RYR2: variants seen among roughly 807,000 people sequenced by gnomAD.
RYR2 encodes the protein ryanodine receptor 2.
In RYR2, 227 loss-of-function variants were observed where a neutral mutation model predicts 601.1. The observed-to-expected ratio is 0.38, with a 90% CI of 0.34 to 0.42. The LOEUF is 0.42. RYR2 is among the 10% of genes least tolerant of loss of function. The probability of loss-of-function intolerance (pLI) is 1.00; values close to 1 mark genes in which losing one functional copy is unlikely to be tolerated. For missense variants in RYR2, 4,646 were observed against 6,156.5 expected (o/e 0.75, Z 8.21); for synonymous variants, 2,223 against 2,175.1 (o/e 1.02, Z -0.61).
chr1:237,771,765 A>G (rs1427373616), intron 85 of RYR2, among the ~76,000 whole-genome samples: 1 of 152,240 alleles, frequency 6.6e-6, no homozygotes, highest in African/African-American at 2.4e-5. Context: ...AGGAATGAAG[A>G]AACTGATATT....
rs1365309589 is a variant in RYR2 at position 237,694,441 on chromosome 1, G to A, written c.9068-4524G>A. Among the ~76,000 whole-genome samples the A allele has an allele frequency of 3.9e-5, 6 of 152,130 alleles. No individual in the cohort carries two copies. In the East Asian group the frequency reaches 5.8e-4, roughly 15 times the overall value. On this transcript the variant is annotated intron_variant, in intron 63 of 104. Transcript: ENST00000366574. ...AACTATTTTCTTATCCTTGTTATTC[G>A]TAGCTGGAGGATCATTGAGATCTTT...
chr1:237,441,537 A>G (rs1707904208), intron 13 of RYR2, 54 bp downstream of exon 13: 1 of 1,426,804 alleles, frequency 7.0e-7, no homozygotes, highest in Non-Finnish European at 9.3e-7. Context: ...ATGAATACAC[A>G]AGCACAAGTC....
chr1:237,805,002 G>A (rs990792105), intron 98 of RYR2, among the ~76,000 whole-genome samples: 1 of 152,140 alleles, frequency 6.6e-6, no homozygotes, highest in African/African-American at 2.4e-5. Context: ...GGTGGGGTCG[G>A]TGCTATTGGC....
chr1:237,473,477 C>CTTTCTTTCTTTCTTT (rs1553464755), intron 17 of RYR2, among the ~76,000 whole-genome samples: 1 of 145,564 alleles, frequency 6.9e-6, no homozygotes, highest in Non-Finnish European at 1.5e-5. Flanking sequence ...ATCTATCTAT[C>CTTTCTTTCTTTCTTT]TGGCATATAT....
intron 1 of RYR2, among the ~76,000 whole-genome samples, chr1:237,131,415 G>A (rs1232313698): frequency 6.6e-6 from 1 of 152,124 alleles, no homozygotes; most frequent in East Asian, 1.9e-4. Context: ...GATGGGGTGG[G>A]GAGGGGGAAC....
At chr1:237,791,714 C>CTGAA in intron 93 of RYR2, 199 bp downstream of exon 93, 1 of 578,130 alleles carries the variant, frequency 1.7e-6, no homozygotes, top group Non-Finnish European at 3.1e-6. Flanking sequence ...AATGCCTCAA[C>CTGAA]TGAAGGGCAT....
intron 1 of RYR2, among the ~76,000 whole-genome samples, chr1:237,159,390 TTATC>T (rs377613283): frequency 4.1e-3 from 629 of 152,262 alleles, no homozygotes; most frequent in Non-Finnish European, 6.9e-3. Flanking sequence ...TATGGGGCGT[TTATC>T]TAAGGAAGAA....
At position 237,097,978 on chromosome 1, in the gene RYR2, G is replaced by A. The variant is rs1173058369; in HGVS notation, c.48+55409G>A. 2.0e-5 allele frequency among the ~76,000 whole-genome samples: 3 copies of A among 152,146 alleles called. No homozygotes were observed. In the East Asian group the frequency reaches 5.8e-4, roughly 29 times the overall value. On this transcript the variant is annotated intron_variant, in intron 1 of 104. Transcript: ENST00000366574. Reference sequence around the variant, plus strand: ...TCACAGTTTGAATTTCAAATTGCATGTCCTTTGCCATTTTTCTTTATTAAA... The same window carrying A: ...TCACAGTTTGAATTTCAAATTGCATATCCTTTGCCATTTTTCTTTATTAAA...
In RYR2 at chr1:237,581,184, G is replaced by T. The variant is rs10802622; in HGVS notation, c.3599-8609G>T. 1.8e-3 allele frequency among the ~76,000 whole-genome samples: 280 copies of T among 152,134 alleles called. 4 individuals are homozygous for T. In the South Asian group the frequency reaches 0.029, roughly 16 times the overall value. On this transcript the variant is annotated intron_variant, in intron 29 of 104. Coordinates refer to ENST00000366574, the MANE Select transcript of RYR2 (RefSeq NM_001035.3). ...GATGTATAGTTTATGGTAAAAGAACGGTTATTTATGTTTGGAGATTACCAC... is the reference window on the plus strand; with the variant it reads ...GATGTATAGTTTATGGTAAAAGAACTGTTATTTATGTTTGGAGATTACCAC...
chr1:237,533,658 T>C (rs1287592738), intron 25 of RYR2, among the ~76,000 whole-genome samples: 1 of 152,138 alleles, frequency 6.6e-6, no homozygotes, highest in Non-Finnish European at 1.5e-5. Flanking sequence ...TGTAAAACCA[T>C]CTTTGAGGCT....
intron 56 of RYR2, among the ~76,000 whole-genome samples, chr1:237,666,033 C>T (rs374234084): frequency 5.9e-5 from 9 of 152,056 alleles, no homozygotes; most frequent in East Asian, 5.8e-4. Context: ...GTCTCTTCCT[C>T]GAGGATTTCC....
chr1:237,602,458 T>C (rs1482370459), intron 35 of RYR2, among the ~76,000 whole-genome samples: 2 of 152,190 alleles, frequency 1.3e-5, no homozygotes, highest in Non-Finnish European at 2.9e-5. Context: ...ATGTATGGAA[T>C]ACTCCAGTAA....
intron 1 of RYR2, among the ~76,000 whole-genome samples, chr1:237,139,976 G>A (rs1183516127): frequency 6.6e-6 from 1 of 152,176 alleles, no homozygotes; most frequent in East Asian, 1.9e-4. Context: ...GCCTGAAAGT[G>A]AGGTTTGTTC....
intron 1 of RYR2, among the ~76,000 whole-genome samples, chr1:237,142,191 A>G (rs577824967): frequency 1.3e-5 from 2 of 152,332 alleles, no homozygotes; most frequent in East Asian, 3.9e-4. Context: ...GAGGGAAGGC[A>G]TACACACTTG....
At chr1:237,509,852 T>C (rs1172706305) in intron 23 of RYR2, among the ~76,000 whole-genome samples, 1 of 152,042 alleles carries the variant, frequency 6.6e-6, no homozygotes, top group African/African-American at 2.4e-5. Flanking sequence ...CATGACCGTG[T>C]AGTAGGCAGA....
chr1:237,754,406 G>C (rs1348964331), intron 80 of RYR2, among the ~76,000 whole-genome samples: 1 of 152,046 alleles, frequency 6.6e-6, no homozygotes, highest in Admixed American at 6.6e-5. Context: ...TCCCCCTTTT[G>C]GAGCACAAAT....
chr1:237,372,197 T>A (rs1700696646), intron 6 of RYR2, among the ~76,000 whole-genome samples: 1 of 152,242 alleles, frequency 6.6e-6, no homozygotes, highest in African/African-American at 2.4e-5. Flanking sequence ...AGGAAATACA[T>A]GGACGTGATT....
intron 3 of RYR2, chr1:237,333,510 G>T: frequency 2.3e-6 from 1 of 437,342 alleles, no homozygotes; most frequent in Non-Finnish European, 4.6e-6. Context: ...GGACCCCTGG[G>T]GTGGTCAGGG....
At chr1:237,417,213 C>A in intron 11 of RYR2, 90 bp downstream of exon 11, 1 of 964,374 alleles carries the variant, frequency 1.0e-6, no homozygotes. Flanking sequence ...ATGCTGAAAA[C>A]TACAGCAAGC....
Sources: gnomAD v4.1 joint callset for allele counts (sites outside exome capture counted in the v4.1 genomes callset) on GRCh38, gnomAD v4.1.1 for gene constraint, MANE v1.5 for transcripts, NCBI Gene and HGNC (gene_info 2026-07-23, HGNC 2026-07-21) for gene names.